The following FOXP1 variants were observed in gnomAD, a reference collection of about 807,000 sequenced individuals.
The protein encoded by FOXP1 is forkhead box protein P1.
A neutral mutation model predicts 98.2 loss-of-function variants in FOXP1; 15 were observed. That is an observed-to-expected ratio of 0.15 (90% CI 0.10 to 0.24). The LOEUF is 0.24. Among genes scored for constraint, FOXP1 ranks in the 10% least tolerant of loss-of-function variants. The probability of loss-of-function intolerance (pLI) is 1.00; values close to 1 mark genes in which losing one functional copy is unlikely to be tolerated. For synonymous variants in FOXP1, 371 were observed against 314.5 expected, an observed-to-expected ratio of 1.18 and a Z score of -1.90; for missense variants, 633 against 848.5, an observed-to-expected ratio of 0.75 and a Z score of 3.15.
rs117369834 is a variant in FOXP1, at chr3:71,298,957, C to T, written c.-12+863G>A. On this transcript the variant is annotated intron_variant, in intron 5 of 20. Transcript: ENST00000649528. The stretch of plus-strand genomic sequence containing the variant: ...AACCTGTTTTTAGACAGACACAAAT[C>T]TACTAAATCAAATGGAACTATTAAA... Among the ~76,000 whole-genome samples the T allele has an allele frequency of 1.4e-4, 21 of 152,240 alleles. No homozygotes were observed. The East Asian group carries it at 4.1e-3, about 29-fold the overall frequency.
intron 19 of FOXP1, chr3:70,966,287 G>C: frequency 1.8e-6 from 1 of 552,260 alleles, no homozygotes. Context: ...AGTGCCTGTG[G>C]GTAGGAAGGA....
At chr3:70,984,982 T>G (rs1402495536) in intron 14 of FOXP1, among the ~76,000 whole-genome samples, 1 of 152,234 alleles carries the variant, frequency 6.6e-6, no homozygotes, top group African/African-American at 2.4e-5. Flanking sequence ...ACTGGTTGGA[T>G]GATTGGATAC....
intron 4 of FOXP1, chr3:71,332,257 C>G (rs901530560): frequency 6.4e-6 from 1 of 156,272 alleles, no homozygotes; most frequent in African/African-American, 2.4e-5. Flanking sequence ...CAACTCCAGA[C>G]GCGCCGCCTT....
At chr3:71,145,066 C>T (rs777041666) in intron 6 of FOXP1, among the ~76,000 whole-genome samples, 16 of 152,298 alleles carry the variant, frequency 1.1e-4, no homozygotes, top group Middle Eastern at 3.4e-3. Context: ...AGTCTGCTTA[C>T]GCACATGCCC....
At chr3:71,013,939 C>T (rs1290787140) in intron 12 of FOXP1, among the ~76,000 whole-genome samples, 2 of 152,142 alleles carry the variant, frequency 1.3e-5, no homozygotes, top group Admixed American at 1.3e-4. Context: ...GGAAAACTGG[C>T]TAGCCATATG....
At chr3:71,327,634 G>A (rs542793326) in intron 4 of FOXP1, among the ~76,000 whole-genome samples, 27 of 151,748 alleles carry the variant, frequency 1.8e-4, no homozygotes, top group Admixed American at 1.5e-3. Flanking sequence ...TGATCTGCCC[G>A]CCTCAGCCTC....
At chr3:71,498,804 G>A (rs1366068669) in intron 2 of FOXP1, among the ~76,000 whole-genome samples, 1 of 152,176 alleles carries the variant, frequency 6.6e-6, no homozygotes, top group African/African-American at 2.4e-5. Context: ...CTGCAGTTTT[G>A]CATTCCATAG....
intron 12 of FOXP1, among the ~76,000 whole-genome samples, chr3:71,004,272 T>C (rs2042483619): frequency 1.3e-5 from 2 of 152,102 alleles, no homozygotes; most frequent in Non-Finnish European, 2.9e-5. Flanking sequence ...AAAAAAAATA[T>C]TACATGAGCC....
At chr3:71,046,219 A>G (rs1220165428) in intron 10 of FOXP1, among the ~76,000 whole-genome samples, 1 of 152,214 alleles carries the variant, frequency 6.6e-6, no homozygotes, top group African/African-American at 2.4e-5. Context: ...AAAAACACCT[A>G]GAGTTCCCAT....
Position 71,346,876 on chromosome 3 carries a change from C to T in FOXP1, c.-73+12274G>A, listed in dbSNP as rs144507965. Among the ~76,000 whole-genome samples, 1,048 of 152,176 alleles carry T rather than the reference C, an allele frequency of 6.9e-3. 30 individuals are homozygous for T. Among genetic ancestry groups the T allele is most frequent in the Non-Finnish European group, 4.1e-3 (280 of 68,004 alleles). ...CTGGCTAACATGGTGAAACCCGTCT[C>T]TACTAAAATTACAAAAATTAGCTGG... On this transcript the variant is annotated intron_variant, in intron 4 of 20. Transcript: ENST00000649528.
chr3:71,497,163 CA>C (rs200173526), intron 2 of FOXP1, among the ~76,000 whole-genome samples: 2 of 149,948 alleles, frequency 1.3e-5, no homozygotes, highest in African/African-American at 4.9e-5. Context: ...GAGGCAAAAA[CA>C]AAAAAGAAAA....
At chr3:71,401,136 T>C (rs974761679) in intron 3 of FOXP1, among the ~76,000 whole-genome samples, 3 of 152,376 alleles carry the variant, frequency 2.0e-5, no homozygotes, top group Non-Finnish European at 4.4e-5. Context: ...CATGCTTCTC[T>C]AGTTACATAT....
intron 2 of FOXP1, among the ~76,000 whole-genome samples, chr3:71,501,293 C>CTTTTTTTTT (rs763654842): frequency 7.7e-6 from 1 of 129,724 alleles, no homozygotes; most frequent in Non-Finnish European, 1.7e-5. Flanking sequence ...AAATGCTTTT[C>CTTTTTTTTT]TTTTTTTTTT....
At chr3:71,309,975 A>C (rs1263583400) in intron 4 of FOXP1, among the ~76,000 whole-genome samples, 6 of 152,240 alleles carry the variant, frequency 3.9e-5, no homozygotes, top group Admixed American at 2.6e-4. Flanking sequence ...GGGGCACTAA[A>C]TGGTGGGTTG....
intron 5 of FOXP1, among the ~76,000 whole-genome samples, chr3:71,260,013 T>G (rs2107168403): frequency 6.6e-6 from 1 of 152,324 alleles, no homozygotes; most frequent in East Asian, 1.9e-4. Flanking sequence ...AGACAGAGTC[T>G]CGCTCTCTCC....
intron 2 of FOXP1, among the ~76,000 whole-genome samples, chr3:71,499,060 G>A (rs1211231918): frequency 2.0e-5 from 3 of 152,164 alleles, no homozygotes; most frequent in African/African-American, 7.2e-5. Flanking sequence ...TGCTTCTCCA[G>A]AGGCTCCACT....
intron 3 of FOXP1, among the ~76,000 whole-genome samples, chr3:71,488,331 G>T (rs1039026922): frequency 6.6e-6 from 1 of 152,180 alleles, no homozygotes; most frequent in Non-Finnish European, 1.5e-5. Context: ...TCATTAGTTT[G>T]TCTTACAGTT....
Position 71,305,458 on chromosome 3 carries a change from T to C in FOXP1, c.-72-5578A>G, listed in dbSNP as rs1007148511. ...TTTCCACAGAAGAAAACCTTTCCTA[T>C]TCCGGCACAGACCTTCGGGGAGGAC... is the stretch of plus-strand genomic sequence containing the variant. On this transcript the variant is annotated intron_variant, in intron 4 of 20. Coordinates refer to ENST00000649528, the MANE Select transcript of FOXP1 (RefSeq NM_001349338.3). Among the ~76,000 whole-genome samples, 4 of 152,198 alleles carry C rather than the reference T, an allele frequency of 2.6e-5. No individual in the cohort carries two copies. In the East Asian group the frequency reaches 7.7e-4, roughly 29 times the overall value.
At chr3:71,343,770 C>T (rs1366614953) in intron 4 of FOXP1, among the ~76,000 whole-genome samples, 2 of 152,122 alleles carry the variant, frequency 1.3e-5, no homozygotes, top group East Asian at 3.9e-4. Context: ...CTTAAGTGAT[C>T]TGCCCGCCTT....
Sources: gnomAD v4.1 joint callset for allele counts (sites outside exome capture counted in the v4.1 genomes callset) on GRCh38, gnomAD v4.1.1 for gene constraint, MANE v1.5 for transcripts, NCBI Gene and HGNC (gene_info 2026-07-23, HGNC 2026-07-21) for gene names.